PTCHD4: variants seen among roughly 807,000 people sequenced by gnomAD.
The protein encoded by PTCHD4 is patched domain containing 4.
Under a neutral mutation model 58.1 loss-of-function variants are expected in PTCHD4, and 33 were observed. That is an observed-to-expected ratio of 0.57 (90% confidence interval 0.43 to 0.76). The LOEUF (loss-of-function observed/expected upper bound fraction) is 0.76, where lower values mean the gene tolerates loss of function less well. PTCHD4 is among the 30% of genes least tolerant of loss of function. The probability of loss-of-function intolerance (pLI) is 0.00; values close to 1 mark genes in which losing one functional copy is unlikely to be tolerated. For missense variants in PTCHD4, 1,058 were observed against 1,027.1 expected (o/e 1.03, Z -0.41); for synonymous variants, 478 against 409.6 (o/e 1.17, Z -2.02).
chr6:47,862,245 T>C lies in PTCHD4; in HGVS notation c.*16058A>G, dbSNP rs562879077. On this transcript the variant is annotated 3_prime_UTR_variant, in exon 5 of 5. Coordinates refer to ENST00000339488, the MANE Select transcript of PTCHD4 (RefSeq NM_001384253.1). ...TTACTTTTGTTGCATTATGGCTTTT[T>C]TTTTAATATCTTGGGTCTGGCGTAT... is the stretch of plus-strand genomic sequence containing the variant. Among the ~76,000 whole-genome samples, 129 of 151,610 alleles carry C rather than the reference T, an allele frequency of 8.5e-4. 2 individuals are homozygous for C. The highest frequency in any genetic ancestry group is 6.8e-3 in the Middle Eastern group (2 of 294).
intron 4 of PTCHD4, among the ~76,000 whole-genome samples, chr6:47,945,212 G>A (rs537933601): frequency 2.0e-5 from 3 of 152,162 alleles, no homozygotes; most frequent in Non-Finnish European, 4.4e-5. Flanking sequence ...TCTTAAGTAA[G>A]ATGAATGCCT....
At position 47,872,390 on chromosome 6, in the gene PTCHD4, A is replaced by T. The variant is rs1763739948; in HGVS notation, c.*5913T>A. On this transcript the variant is annotated 3_prime_UTR_variant, in exon 5 of 5. Transcript: ENST00000339488. ...TGTGCTTACTCTACAAACTGTGGCA[A>T]CAGAGGGAAAGAAAACCGTAATGCT... 6.6e-6 allele frequency among the ~76,000 whole-genome samples: 1 copy of T among 151,638 alleles called. No individual in the cohort carries two copies. Among genetic ancestry groups the T allele is most frequent in the Non-Finnish European group, 1.5e-5 (1 of 67,738 alleles).
chr6:47,929,768 A>C (rs1481046584), intron 4 of PTCHD4, among the ~76,000 whole-genome samples: 3 of 152,234 alleles, frequency 2.0e-5, no homozygotes, highest in Non-Finnish European at 4.4e-5. Context: ...TGCCAACACA[A>C]GCCATCCTGA....
intron 3 of PTCHD4, 150 bp from the exon 4 acceptor site, chr6:48,009,264 A>C: frequency 1.2e-6 from 1 of 826,028 alleles, no homozygotes; most frequent in Non-Finnish European, 1.8e-6. Flanking sequence ...AGAATTTTAT[A>C]TTCAACATTT....
Position 48,005,423 on chromosome 6 carries a change from C to T in PTCHD4, c.898+3211G>A, listed in dbSNP as rs577973114. Among the ~76,000 whole-genome samples the T allele has an allele frequency of 3.9e-5, 6 of 152,312 alleles. No homozygotes were observed. The East Asian group carries it at 1.2e-3, about 29-fold the overall frequency. On this transcript the variant is annotated intron_variant, in intron 4 of 4. Transcript: ENST00000339488. Reference sequence around the variant, plus strand: ...AAGAGTTGGGCTTCTTTCCCTTATACCCAGCTAACTTAGGGATTATGCAGT... The same window carrying T: ...AAGAGTTGGGCTTCTTTCCCTTATATCCAGCTAACTTAGGGATTATGCAGT...
intron 4 of PTCHD4, among the ~76,000 whole-genome samples, chr6:47,987,348 G>A (rs1234804386): frequency 6.6e-6 from 1 of 150,516 alleles, no homozygotes; most frequent in Non-Finnish European, 1.5e-5. Context: ...CATGGCACAT[G>A]TATACATATG....
rs1245690665 is a variant in PTCHD4 at position 47,875,220 on chromosome 6, T to A, written c.*3083A>T. Among the ~76,000 whole-genome samples the A allele has an allele frequency of 6.6e-6, 1 of 151,858 alleles. No homozygotes were observed. Among genetic ancestry groups the A allele is most frequent in the Non-Finnish European group, 1.5e-5 (1 of 67,872 alleles). On this transcript the variant is annotated 3_prime_UTR_variant, in exon 5 of 5. Coordinates refer to ENST00000339488, the MANE Select transcript of PTCHD4 (RefSeq NM_001384253.1). ...TGGTCATCTGCTGACAACAGATAAG[T>A]TCCTAATTTGAATGGCATTAGTACT...
intron 4 of PTCHD4, among the ~76,000 whole-genome samples, chr6:47,934,096 A>G (rs564488043): frequency 6.6e-6 from 1 of 152,212 alleles, no homozygotes; most frequent in African/African-American, 2.4e-5. Flanking sequence ...ATTGATCTCT[A>G]ATGAGACAGC....
At chr6:47,894,800 C>T (rs533359990) in intron 4 of PTCHD4, among the ~76,000 whole-genome samples, 31 of 152,290 alleles carry the variant, frequency 2.0e-4, no homozygotes, top group South Asian at 4.1e-4. Flanking sequence ...CCATGGACTT[C>T]GTCCTGCTCA....
At chr6:48,038,408 G>A (rs763852509) in intron 3 of PTCHD4, among the ~76,000 whole-genome samples, 9 of 151,960 alleles carry the variant, frequency 5.9e-5, no homozygotes, top group Non-Finnish European at 7.4e-5. Flanking sequence ...TTGGGAGGCC[G>A]AGGCGGGCAG....
intron 4 of PTCHD4, among the ~76,000 whole-genome samples, chr6:47,995,385 C>T (rs1001270946): frequency 6.6e-6 from 1 of 152,174 alleles, no homozygotes; most frequent in African/African-American, 2.4e-5. Flanking sequence ...GGTAGCACTG[C>T]TTTAATTTAT....
chr6:47,939,874 C>G (rs1165261582), intron 4 of PTCHD4, among the ~76,000 whole-genome samples: 1 of 151,988 alleles, frequency 6.6e-6, no homozygotes, highest in Non-Finnish European at 1.5e-5. Flanking sequence ...CCTGAAGCCC[C>G]CTATGTTGCC....
rs1299946858 is a variant in PTCHD4, at chr6:47,864,873, A to G, written c.*13430T>C. Among the ~76,000 whole-genome samples the G allele has an allele frequency of 6.6e-6, 1 of 151,964 alleles. No homozygotes were observed. Among genetic ancestry groups the G allele is most frequent in the East Asian group, 1.9e-4 (1 of 5,154 alleles). ...ATATGTTGTGAAAATTACATTTTAC[A>G]TATATATCCATCTTTGTCCAGTGCT... On this transcript the variant is annotated 3_prime_UTR_variant, in exon 5 of 5. Coordinates refer to ENST00000339488, the MANE Select transcript of PTCHD4 (RefSeq NM_001384253.1).
chr6:47,995,590 A>G (rs988818370), intron 4 of PTCHD4, among the ~76,000 whole-genome samples: 1 of 152,190 alleles, frequency 6.6e-6, no homozygotes, highest in Admixed American at 6.5e-5. Flanking sequence ...CTGTACCTTT[A>G]TAAAACAATT....
intron 3 of PTCHD4, among the ~76,000 whole-genome samples, chr6:48,039,779 T>C (rs1004941410): frequency 3.3e-5 from 5 of 152,162 alleles, no homozygotes; most frequent in African/African-American, 1.2e-4. Context: ...ATATTGAAGG[T>C]CTCTGTCCCC....
Position 47,878,076 on chromosome 6 carries a change from A to G in PTCHD4, c.*227T>C, listed in dbSNP as rs1443341052. On this transcript the variant is annotated 3_prime_UTR_variant, in exon 5 of 5. Transcript: ENST00000339488. ...TTGGAAGAGCTCTCAGATTACATCC[A>G]GAAACTTGTTTTTAGAGGAGAACAA... 9.5e-6 allele frequency: 4 copies of G among 422,060 alleles called. No homozygotes were observed. In the East Asian group the frequency reaches 1.5e-4, roughly 16 times the overall value. The allele number at this position is 422,060 out of a possible 1,614,324, so 26.1% of individuals were successfully genotyped here. A position where few individuals can be genotyped will look rare whatever the true frequency, so the allele number is the denominator to read the frequency against.
chr6:48,087,282 A>G (rs1007086078), intron 1 of PTCHD4, among the ~76,000 whole-genome samples: 3 of 152,122 alleles, frequency 2.0e-5, no homozygotes, highest in African/African-American at 7.2e-5. Context: ...CAGTATCTTC[A>G]GTCTATCCAG....
chr6:47,897,163 G>T (rs1450012845), intron 4 of PTCHD4, among the ~76,000 whole-genome samples: 2 of 152,172 alleles, frequency 1.3e-5, no homozygotes, highest in Non-Finnish European at 2.9e-5. Flanking sequence ...CATTTGGGTA[G>T]TGTTAAAGAG....
chr6:47,984,410 G>A (rs1166339223), intron 4 of PTCHD4, among the ~76,000 whole-genome samples: 1 of 152,042 alleles, frequency 6.6e-6, no homozygotes, highest in Non-Finnish European at 1.5e-5. Context: ...CAGATCTCAT[G>A]AGAACTCAAT....
Sources: gnomAD v4.1 joint callset for allele counts (sites outside exome capture counted in the v4.1 genomes callset) on GRCh38, gnomAD v4.1.1 for gene constraint, MANE v1.5 for transcripts, NCBI Gene and HGNC (gene_info 2026-07-23, HGNC 2026-07-21) for gene names.